The following SIPA1L3 variants were observed in gnomAD, a reference collection of about 807,000 sequenced individuals.
SIPA1L3 encodes signal induced proliferation associated 1 like 3.
Under a neutral mutation model 150.1 loss-of-function variants are expected in SIPA1L3, and 59 were observed. That is an observed-to-expected ratio of 0.39 (90% CI 0.32 to 0.49). SIPA1L3 has a LOEUF of 0.49. Ranked by LOEUF, SIPA1L3 falls within the 20% of genes least tolerant of loss-of-function variation. The probability of loss-of-function intolerance (pLI) is 0.86; values close to 1 mark genes in which losing one functional copy is unlikely to be tolerated. For missense variants in SIPA1L3, 2,211 were observed against 2,489.5 expected (o/e 0.89, Z 2.38); for synonymous variants, 1,070 against 1,077.6 (o/e 0.99, Z 0.14).
intron 6 of SIPA1L3, among the ~76,000 whole-genome samples, chr19:38,103,130 C>T (rs1429571363): frequency 2.0e-5 from 2 of 100,620 alleles, no homozygotes; most frequent in Non-Finnish European, 3.6e-5. Flanking sequence ...CTCAATCAAT[C>T]AGTAGAAAAA....
chr19:38,187,484 G>A (rs1972709049), intron 16 of SIPA1L3, among the ~76,000 whole-genome samples: 2 of 151,488 alleles, frequency 1.3e-5, no homozygotes, highest in Non-Finnish European at 2.9e-5. Flanking sequence ...TTGGGAGGCC[G>A]AGGCGGGTGG....
chr19:38,182,136 CA>C (rs4006822), intron 15 of SIPA1L3, among the ~76,000 whole-genome samples: 63 of 130,012 alleles, frequency 4.8e-4, no homozygotes, highest in Admixed American at 4.5e-4. Context: ...GACCCTGTCT[CA>C]AAAAAAAAAA....
intron 1 of SIPA1L3, among the ~76,000 whole-genome samples, chr19:37,970,240 T>G (rs2145591532): frequency 6.6e-6 from 1 of 152,358 alleles, no homozygotes; most frequent in South Asian, 2.1e-4. Context: ...GCCATATTTT[T>G]TCAGGCTGGC....
intron 19 of SIPA1L3, among the ~76,000 whole-genome samples, chr19:38,201,398 C>T (rs1973084103): frequency 6.6e-6 from 1 of 152,242 alleles, no homozygotes; most frequent in South Asian, 2.1e-4. Context: ...TCTCACTTCT[C>T]TTTTTGCTTT....
intron 1 of SIPA1L3, among the ~76,000 whole-genome samples, chr19:37,949,541 T>C (rs1054166870): frequency 6.6e-6 from 1 of 152,042 alleles, no homozygotes; most frequent in African/African-American, 2.4e-5. Flanking sequence ...GGCGCACGCC[T>C]GTAATCCCAG....
At chr19:37,923,144 A>G (rs558766103) in intron 1 of SIPA1L3, among the ~76,000 whole-genome samples, 6 of 152,134 alleles carry the variant, frequency 3.9e-5, no homozygotes, top group African/African-American at 7.2e-5. Flanking sequence ...CTCAAAAAAA[A>G]AAAAAAGAAG....
intron 12 of SIPA1L3, among the ~76,000 whole-genome samples, chr19:38,151,961 C>CA (rs35851181): frequency 0.84 from 72,846 of 86,226 alleles, 31,253 homozygotes; most frequent in East Asian, 0.94. Context: ...GACCCCATCT[C>CA]AAAAAAAAAA....
At chr19:37,952,579 A>G (rs755047998) in intron 1 of SIPA1L3, among the ~76,000 whole-genome samples, 4 of 152,138 alleles carry the variant, frequency 2.6e-5, no homozygotes, top group Non-Finnish European at 4.4e-5. Flanking sequence ...GGGCTGAGGC[A>G]GGAGAATTCC....
chr19:37,939,801 T>C (rs2046636546), intron 1 of SIPA1L3, among the ~76,000 whole-genome samples: 1 of 152,214 alleles, frequency 6.6e-6, no homozygotes, highest in Non-Finnish European at 1.5e-5. Flanking sequence ...ATTTGATTGC[T>C]AAGTGAAAAG....
At chr19:38,112,020 C>A (rs1183271940) in intron 8 of SIPA1L3, among the ~76,000 whole-genome samples, 1 of 149,566 alleles carries the variant, frequency 6.7e-6, no homozygotes, top group Non-Finnish European at 1.5e-5. Context: ...CACATGCACA[C>A]ACACGTATGC....
At chr19:37,982,631 C>T (rs527376700) in intron 1 of SIPA1L3, among the ~76,000 whole-genome samples, 24 of 152,194 alleles carry the variant, frequency 1.6e-4, no homozygotes, top group Non-Finnish European at 2.4e-4. Context: ...GATCAAAGCC[C>T]GCCATGTAAA....
intron 15 of SIPA1L3, among the ~76,000 whole-genome samples, chr19:38,169,756 G>A (rs1185095963): frequency 2.6e-5 from 4 of 152,240 alleles, no homozygotes; most frequent in African/African-American, 9.6e-5. Flanking sequence ...CGGTGACTGG[G>A]GGAGCCCCAG....
chr19:37,909,109 G>C (rs943594625), intron 1 of SIPA1L3, among the ~76,000 whole-genome samples: 1 of 152,198 alleles, frequency 6.6e-6, no homozygotes, highest in Non-Finnish European at 1.5e-5. Flanking sequence ...TTCTTCCCCA[G>C]CCTTCCCATA....
intron 1 of SIPA1L3, among the ~76,000 whole-genome samples, chr19:37,929,251 A>G (rs938469597): frequency 1.1e-4 from 16 of 152,198 alleles, no homozygotes; most frequent in Admixed American, 9.2e-4. Flanking sequence ...CAGGGAGGAG[A>G]GTGGCTACAG....
intron 1 of SIPA1L3, among the ~76,000 whole-genome samples, chr19:37,938,610 T>TTTTTTTC (rs1394982937): frequency 6.6e-6 from 1 of 151,490 alleles, no homozygotes; most frequent in Non-Finnish European, 1.5e-5. Flanking sequence ...CTTCTTTTTC[T>TTTTTTTC]TTTTTTCTTT....
intron 1 of SIPA1L3, among the ~76,000 whole-genome samples, chr19:37,976,086 CAGAG>C (rs1967067734): frequency 7.3e-6 from 1 of 137,612 alleles, no homozygotes; most frequent in Admixed American, 7.6e-5. Context: ...GCCTGGGTGA[CAGAG>C]CAAGGCTCTG....
At position 38,020,557 on chromosome 19, in the gene SIPA1L3, A is replaced by T. The variant is rs1968350238; in HGVS notation, c.-378-8532A>T. ...ACAGGAAGAAAAAGGATCCACAGCTATGCAGGATTTCCGCAGCCCCTGAGC... is the reference window on the plus strand; with the variant it reads ...ACAGGAAGAAAAAGGATCCACAGCTTTGCAGGATTTCCGCAGCCCCTGAGC... On this transcript the variant is annotated intron_variant, in intron 1 of 21. Transcript: ENST00000222345. 2.0e-5 allele frequency among the ~76,000 whole-genome samples: 3 copies of T among 152,232 alleles called. No homozygotes were observed. In the South Asian group the frequency reaches 6.2e-4, roughly 31 times the overall value.
intron 13 of SIPA1L3, 95 bp from the exon 14 acceptor site, chr19:38,162,158 C>T (rs892947904): frequency 3.5e-5 from 31 of 880,112 alleles, no homozygotes; most frequent in South Asian, 3.1e-4. Context: ...GGGGTCATGC[C>T]GTGGGTGAGC....
intron 1 of SIPA1L3, among the ~76,000 whole-genome samples, chr19:37,982,241 G>T (rs940939203): frequency 2.0e-5 from 3 of 152,250 alleles, no homozygotes; most frequent in Admixed American, 1.3e-4. Context: ...GGCAGAACCA[G>T]TTTCTTCAGG....
Sources: gnomAD v4.1 joint callset for allele counts (sites outside exome capture counted in the v4.1 genomes callset) on GRCh38, gnomAD v4.1.1 for gene constraint, MANE v1.5 for transcripts, NCBI Gene and HGNC (gene_info 2026-07-23, HGNC 2026-07-21) for gene names.